FLNC: variants seen among roughly 807,000 people sequenced by gnomAD.
FLNC encodes filamin-C.
A neutral mutation model predicts 254.3 loss-of-function variants in FLNC; 91 were observed. The observed-to-expected ratio is 0.36, with a 90% CI of 0.30 to 0.43. The LOEUF is 0.43. Ranked by LOEUF, FLNC falls within the 20% of genes least tolerant of loss-of-function variation. The probability of loss-of-function intolerance (pLI) is 1.00; values close to 1 mark genes in which losing one functional copy is unlikely to be tolerated. For synonymous variants in FLNC, 1,430 were observed against 1,577.2 expected (o/e 0.91, Z 2.21); for missense variants, 2,853 against 3,802.6 (o/e 0.75, Z 6.57).
In FLNC at chr7:128,835,228, A is replaced by G; in HGVS notation, c.353-98A>G. 6.5e-7 allele frequency: 1 copy of G among 1,540,962 alleles called. No homozygotes were observed. The highest frequency in any genetic ancestry group is 1.1e-5 in the South Asian group (1 of 88,908). On this transcript the variant is annotated intron_variant, in intron 1 of 47. Coordinates refer to ENST00000325888, the MANE Select transcript of FLNC (RefSeq NM_001458.5). The surrounding 1 kb of genome is among the most constrained non-coding windows in gnomAD (Gnocchi z 5.3). ...AGGCAGAGACTAGAGGCCTGACCCC[A>G]GAGCTCTGGCCCGAGGAGCTGCGCA...
rs374756527 is a variant in FLNC, at chr7:128,848,880, C to G, written c.4825C>G (p.Arg1609Gly). ...TVSYLPDMSGRYTITIKYGGD... is the reference protein window; with the variant it reads ...TVSYLPDMSGGYTITIKYGGD... ...GTCCTACCTGCCGGACATGAGTGGC[C>G]GGTACACCATCACCATCAAGTATGG... Residue 1609 changes from arginine to glycine, a missense_variant, in exon 28 of 48, where the codon CGG becomes GGG. By Grantham distance (125) the Arg-to-Gly change is moderately radical (BLOSUM62 -2). This residue lies in a region of FLNC where 1,573 missense variants were observed against 1,883.5 expected (regional missense o/e 0.84). Coordinates refer to ENST00000325888, the MANE Select transcript of FLNC (RefSeq NM_001458.5). The G allele has an allele frequency of 7.4e-6, 12 of 1,613,924 alleles. No individual in the cohort carries two copies. Among genetic ancestry groups the G allele is most frequent in the Non-Finnish European group, 1.0e-5 (12 of 1,180,012 alleles).
In FLNC at chr7:128,855,182, C is replaced by T. The variant is rs1390703289; in HGVS notation, c.7136-17C>T. The stretch of plus-strand genomic sequence containing the variant: ...ACCTCCATCCCGGAACCTGTGCTGA[C>T]TGGTCTCTCTCCCCAGGTGACTATG... On this transcript the variant is annotated splice_polypyrimidine_tract_variant and intron_variant, in intron 42 of 47. Transcript: ENST00000325888. The T allele has an allele frequency of 6.4e-7, 1 of 1,550,966 alleles. No individual in the cohort carries two copies. The highest frequency in any genetic ancestry group is 8.9e-7 in the Non-Finnish European group (1 of 1,122,870).
In FLNC at chr7:128,832,814, G is replaced by A. The variant is rs570726153; in HGVS notation, c.352+1825G>A. On this transcript the variant is annotated intron_variant, in intron 1 of 47. Coordinates refer to ENST00000325888, the MANE Select transcript of FLNC (RefSeq NM_001458.5). ...GCCCCAGGCTGAGGCTGGAGGGGAG[G>A]GGACACCGGCAGCGACCAGCTGGGG... Among the ~76,000 whole-genome samples the A allele has an allele frequency of 5.9e-5, 9 of 152,338 alleles. No homozygotes were observed. The South Asian group carries it at 1.9e-3, about 32-fold the overall frequency.
chr7:128,857,951 G>A lies in FLNC; in HGVS notation c.7781-57G>A. ...AGTGCTGGCCGAGGGTCCCCTGCCT[G>A]GGGAAGAACAGGAAGCCCTTCTGAC... On this transcript the variant is annotated intron_variant, in intron 46 of 47. Coordinates refer to ENST00000325888, the MANE Select transcript of FLNC (RefSeq NM_001458.5). The surrounding 1 kb of genome is among the most constrained non-coding windows in gnomAD (Gnocchi z 4.5). The A allele has an allele frequency of 1.5e-6, 2 of 1,309,772 alleles. No homozygotes were observed. Among genetic ancestry groups the A allele is most frequent in the Non-Finnish European group, 2.2e-6 (2 of 924,374 alleles). The allele number at this position is 1,309,772 out of a possible 1,614,324, so 81.1% of individuals were successfully genotyped here. A position where few individuals can be genotyped will look rare whatever the true frequency, so the allele number is the denominator to read the frequency against.
chr7:128,855,356 G>GAGAT, intron 43 of FLNC, 42 bp downstream of exon 43: 2 of 1,289,782 alleles, frequency 1.6e-6, no homozygotes, highest in Non-Finnish European at 2.2e-6. Flanking sequence ...TGCTATCTGA[G>GAGAT]AGATGGGCAG....
intron 1 of FLNC, 84 bp downstream of exon 1, chr7:128,831,073 G>A: frequency 2.2e-6 from 3 of 1,334,578 alleles, no homozygotes; most frequent in African/African-American, 1.5e-5. Flanking sequence ...GTGGGCGCGC[G>A]GGGAGCTGAG....
Position 128,841,563 on chromosome 7 carries a change from C to T in FLNC, c.2117C>T (p.Ala706Val). 1 of 1,608,326 alleles carries T rather than the reference C, an allele frequency of 6.2e-7. No homozygotes were observed. Among genetic ancestry groups the T allele is most frequent in the Non-Finnish European group, 8.5e-7 (1 of 1,174,676 alleles). Residue 706 changes from alanine to valine, a missense_variant, in exon 13 of 48, where the codon GCC becomes GTC. By Grantham distance (64) the Ala-to-Val change is moderately conservative. Around this residue, in one of 10 missense-constraint regions of FLNC, gnomAD observed 1,573 missense variants for 1,883.5 expected, o/e 0.84. Transcript: ENST00000325888. The surrounding 1 kb of genome is among the most constrained non-coding windows in gnomAD (Gnocchi z 4.3). Reference protein sequence around the residue: ...AAGKGDLKLYAQDADGCPIDI... With the variant: ...AAGKGDLKLYVQDADGCPIDI... The stretch of plus-strand genomic sequence containing the variant: ...GGCAAGGGAGACCTGAAGCTCTATG[C>T]CCAGGTAGGTCATTGTCCAGTCTCT...
At chr7:128,840,758 G>A in intron 10 of FLNC, 76 bp from the exon 11 acceptor site, 1 of 1,504,722 alleles carries the variant, frequency 6.6e-7, no homozygotes, top group Non-Finnish European at 9.1e-7. Flanking sequence ...GGGAGTTTGA[G>A]GGGAGATGGA....
In FLNC at chr7:128,840,889, G is replaced by T; in HGVS notation, c.1732G>T (p.Gly578Cys). 1 of 1,613,910 alleles carries T rather than the reference G, an allele frequency of 6.2e-7. No homozygotes were observed. Among genetic ancestry groups the T allele is most frequent in the Non-Finnish European group, 8.5e-7 (1 of 1,179,948 alleles). The change falls in exon 11 of 48, where the codon GGT (glycine) becomes TGT (cysteine). Residue 578 changes from glycine to cysteine, a missense_variant. Physicochemically the swap from Gly to Cys is radical, Grantham distance 159 (BLOSUM62 -3). This residue lies in a region of FLNC where 1,573 missense variants were observed against 1,883.5 expected (regional missense o/e 0.84). Coordinates refer to ENST00000325888, the MANE Select transcript of FLNC (RefSeq NM_001458.5). ...AGGAGTGCAAAAGGTCCGGGCCTGG[G>T]GTCCTGGTTTGGAGACTGGCCAGGT... Reference protein sequence around the residue: ...EAGVQKVRAWGPGLETGQVGK... With the variant: ...EAGVQKVRAWCPGLETGQVGK...
Position 128,830,415 on chromosome 7 carries a change from G to A in FLNC, c.-223G>A. 5.2e-6 allele frequency: 3 copies of A among 572,486 alleles called. No individual in the cohort carries two copies. The highest frequency in any genetic ancestry group is 9.2e-6 in the Non-Finnish European group (3 of 327,220). 35.5% of individuals were successfully genotyped at this position (572,486 alleles called of 1,614,324 possible). On this transcript the variant is annotated 5_prime_UTR_variant, in exon 1 of 48. Coordinates refer to ENST00000325888, the MANE Select transcript of FLNC (RefSeq NM_001458.5). Reference sequence around the variant, plus strand: ...CGCCCCGGCCCAGCCCGCCCTTCCCGAGCACCGCTCCGGCCCTGGAGGGAG... The same window carrying A: ...CGCCCCGGCCCAGCCCGCCCTTCCCAAGCACCGCTCCGGCCCTGGAGGGAG...
rs575967357 is a variant in FLNC, at chr7:128,849,895, A to G, written c.5200-81A>G. The G allele has an allele frequency of 1.1e-5, 11 of 1,013,030 alleles. No individual in the cohort carries two copies. The Admixed American group carries it at 2.2e-4, about 20-fold the overall frequency. The allele number at this position is 1,013,030 out of a possible 1,614,324, so 62.8% of individuals were successfully genotyped here. The stretch of plus-strand genomic sequence containing the variant: ...CACCCAAATTATCACCCAGCATTTC[A>G]GGTTCCTGGGCCATTCTCTGAGTCA... On this transcript the variant is annotated intron_variant, in intron 30 of 47. Transcript: ENST00000325888.
At position 128,840,082 on chromosome 7, in the gene FLNC, G is replaced by C. The variant is rs770264114; in HGVS notation, c.1471G>C (p.Val491Leu). Residue 491 changes from valine (V) to leucine (L), a missense_variant, in exon 9 of 48, where the codon GTG becomes CTG. Physicochemically the swap from Val to Leu is conservative, Grantham distance 32. Coordinates refer to ENST00000325888, the MANE Select transcript of FLNC (RefSeq NM_001458.5). ...AGGCCTGCAGCCCAAGGGTGTTCGCGTGAAAGAGGTGGCTGACTTCAAGGT... is the reference window on the plus strand; with the variant it reads ...AGGCCTGCAGCCCAAGGGTGTTCGCCTGAAAGAGGTGGCTGACTTCAAGGT... Reference protein sequence around the residue: ...GRGLQPKGVRVKEVADFKVFT... With the variant: ...GRGLQPKGVRLKEVADFKVFT... 14 of 1,614,140 alleles carry C rather than the reference G, an allele frequency of 8.7e-6. No homozygotes were observed. The Middle Eastern group carries it at 1.3e-3, about 152-fold the overall frequency.
At position 128,835,488 on chromosome 7, in the gene FLNC, A is replaced by G. The variant is rs1808058827; in HGVS notation, c.515A>G (p.Lys172Arg). 2.5e-6 allele frequency: 4 copies of G among 1,613,826 alleles called. No individual in the cohort carries two copies. The East Asian group carries it at 8.9e-5, about 36-fold the overall frequency. The change falls in exon 2 of 48, where the codon AAG (lysine) becomes AGG (arginine). Residue 172 changes from lysine to arginine, a missense_variant. By Grantham distance (26) the Lys-to-Arg change is conservative. Transcript: ENST00000325888. The surrounding 1 kb of genome is among the most constrained non-coding windows in gnomAD (Gnocchi z 5.3). ...KQRLLGWIQN[K>R]VPQLPITNFN... is the part of the protein sequence containing the mutation. ...CGGCTGCTTGGCTGGATCCAGAACA[A>G]GGTGCCCCAGCTGCCCATCACCAAC...
rs1320959495 is a variant in FLNC, at chr7:128,859,167, T to A, written c.*644T>A. ...CGGCTCTGCCCCATGGGGGGCCTTT[T>A]TTACACACTGCGAGGCCCAGCTTTC... On this transcript the variant is annotated 3_prime_UTR_variant, in exon 48 of 48. Coordinates refer to ENST00000325888, the MANE Select transcript of FLNC (RefSeq NM_001458.5). 6.5e-6 allele frequency: 1 copy of A among 154,134 alleles called. No individual in the cohort carries two copies. Among genetic ancestry groups the A allele is most frequent in the Non-Finnish European group, 1.4e-5 (1 of 69,148 alleles). 9.5% of individuals were successfully genotyped at this position (154,134 alleles called of 1,614,324 possible). A position where few individuals can be genotyped will look rare whatever the true frequency, so the allele number is the denominator to read the frequency against.
chr7:128,852,803 T>G (rs751615678), intron 36 of FLNC, 25 bp from the exon 37 acceptor site: 6 of 1,613,706 alleles, frequency 3.7e-6, no homozygotes, highest in Non-Finnish European at 5.1e-6. Flanking sequence ...CACAGGATGC[T>G]CTGCCTAACA....
chr7:128,840,384 G>A (rs1226644401), intron 9 of FLNC, among the ~76,000 whole-genome samples, 164 bp from the exon 10 acceptor site: 1 of 152,206 alleles, frequency 6.6e-6, no homozygotes, highest in East Asian at 1.9e-4. Flanking sequence ...GGGGTGTTAT[G>A]CACAGGGATG....
rs370839908 is a variant in FLNC at position 128,854,148 on chromosome 7, C to T, written c.6659C>T (p.Ala2220Val). The T allele has an allele frequency of 3.3e-5, 53 of 1,612,278 alleles. No homozygotes were observed. Among genetic ancestry groups the T allele is most frequent in the Non-Finnish European group, 4.3e-5 (51 of 1,179,730 alleles). The change falls in exon 40 of 48, where the codon GCT becomes GTT. Residue 2220 changes from alanine to valine, a missense_variant. By Grantham distance (64) the Ala-to-Val change is moderately conservative (BLOSUM62 0). Transcript: ENST00000325888. ...STQVGGDPFP[A>V]VFGDFLGRER... ...CAGGTCGGCGGGGACCCCTTCCCTG[C>T]TGTGTTTGGGGACTTCCTGGGCCGG...
At chr7:128,839,536 TG>T (rs1808243768) in intron 8 of FLNC, among the ~76,000 whole-genome samples, 1 of 152,256 alleles carries the variant, frequency 6.6e-6, no homozygotes, top group Non-Finnish European at 1.5e-5. Flanking sequence ...TAGCAAGGCC[TG>T]GGCTCATTGC....
In FLNC at chr7:128,842,521, A is replaced by T. The variant is rs1407128621; in HGVS notation, c.2266-54A>T. 6.5e-7 allele frequency: 1 copy of T among 1,550,010 alleles called. No individual in the cohort carries two copies. Among genetic ancestry groups the T allele is most frequent in the Non-Finnish European group, 8.7e-7 (1 of 1,147,064 alleles). On this transcript the variant is annotated intron_variant, in intron 14 of 47. Transcript: ENST00000325888. The surrounding 1 kb of genome is among the most constrained non-coding windows in gnomAD (Gnocchi z 5.4). Reference sequence around the variant, plus strand: ...TGAGGCTGGGCCGGGTGCGCTGGGCAGGAGGATGAGCCTTGAGGGAGGGCA... The same window carrying T: ...TGAGGCTGGGCCGGGTGCGCTGGGCTGGAGGATGAGCCTTGAGGGAGGGCA...
Sources: allele counts gnomAD v4.1 joint callset (sites outside exome capture counted in the v4.1 genomes callset), GRCh38; gene constraint gnomAD v4.1.1; regional missense constraint gnomAD v4.1.1; non-coding constraint Gnocchi (gnomAD v3.1); transcripts MANE v1.5; gene names NCBI Gene and HGNC (gene_info 2026-07-23, HGNC 2026-07-21).